SLC28A1: variants seen among roughly 807,000 people sequenced by gnomAD.
SLC28A1 encodes the protein sodium/nucleoside cotransporter 1.
SLC28A1 carries 64 observed loss-of-function variants against 74.8 expected under a neutral mutation model. The observed-to-expected ratio is 0.86, with a 90% CI of 0.70 to 1.05. SLC28A1 has a LOEUF of 1.05. Among genes scored for constraint, SLC28A1 ranks in the 50% least tolerant of loss-of-function variants. The pLI is 0.00. For missense variants in SLC28A1, 828 were observed against 822.8 expected (o/e 1.01, Z -0.08); for synonymous variants, 359 against 335.0 (o/e 1.07, Z -0.78).
chr15:84,900,197 C>T (rs1020140193), intron 6 of SLC28A1, among the ~76,000 whole-genome samples: 2 of 151,376 alleles, frequency 1.3e-5, no homozygotes, highest in African/African-American at 2.4e-5. Flanking sequence ...TGGTGGCATG[C>T]GCCTGTAGTA....
At chr15:84,924,831 CAAAT>C (rs1970287177) in intron 12 of SLC28A1, among the ~76,000 whole-genome samples, 1 of 151,960 alleles carries the variant, frequency 6.6e-6, no homozygotes, top group Non-Finnish European at 1.5e-5. Flanking sequence ...ATTGCAGAAA[CAAAT>C]AAGTTTTTAA....
chr15:84,916,240 C>CAGGTGTGAGCCACCATGCCTGGCTTTTTT (rs1555449976), intron 9 of SLC28A1, among the ~76,000 whole-genome samples: 6 of 98,424 alleles, frequency 6.1e-5, no homozygotes, highest in African/African-American at 2.5e-4. Flanking sequence ...GCTGGGATTA[C>CAGGTGTGAGCCACCATGCCTGGCTTTTTT]TTTTTTTTTT....
At chr15:84,939,658 G>A (rs1281576856) in intron 15 of SLC28A1, 1 of 151,880 alleles carries the variant, frequency 6.6e-6, no homozygotes, top group Non-Finnish European at 1.5e-5. Context: ...TCATCCTCAG[G>A]TAGGGGCCAT....
In SLC28A1 at chr15:84,918,587, C is replaced by T; in HGVS notation, c.859C>T (p.Gln287Ter). Residue 287 changes from glutamine to a stop codon, truncating the protein, a stop_gained, in exon 10 of 19, where the codon CAG becomes TAG. Transcript: ENST00000394573. LOFTEE classifies it high-confidence loss of function. The part of the protein sequence containing the change: ...ISVLYHVGLM[Q>*]WVILKIAWLM... ...CGTTCTCTACCACGTGGGCCTCATG[C>T]AGTGGGTGATCCTGAAGGTAAGTTC... is the stretch of plus-strand genomic sequence containing the variant. The T allele has an allele frequency of 6.2e-7, 1 of 1,613,208 alleles. No homozygotes were observed. The highest frequency in any genetic ancestry group is 1.7e-5 in the Admixed American group (1 of 60,016).
the SLC28A1 span, among the ~76,000 whole-genome samples, chr15:84,966,779 A>AGACCTGCCCCATGATTCAATT: frequency 6.6e-6 from 1 of 152,138 alleles, no homozygotes; most frequent in Non-Finnish European, 1.5e-5. Flanking sequence ...AGCACAGGAA[A>AGACCTGCCCCATGATTCAATT]GACCTGCCCC....
At position 84,921,068 on chromosome 15, in the gene SLC28A1, A is replaced by G. The variant is rs545838581; in HGVS notation, c.956A>G (p.Gln319Arg). 4 of 1,613,114 alleles carry G rather than the reference A, an allele frequency of 2.5e-6. No individual in the cohort carries two copies. In the South Asian group the frequency reaches 4.4e-5, roughly 18 times the overall value. ...GTGGCTGGAAACATCTTTGTGAGCC[A>G]GGTGGGTATGGAAGCCTCCTACCCT... is the stretch of plus-strand genomic sequence containing the variant. ...LSVAGNIFVS[Q>R]TEAPLLIRPY... Residue 319 changes from glutamine (Q) to arginine (R), a missense_variant and splice_region_variant, in exon 11 of 19, where the codon CAG (glutamine) becomes CGG (arginine). Around this residue, in one of 3 missense-constraint regions of SLC28A1, gnomAD observed 767 missense variants for 753.5 expected, o/e 1.02. Coordinates refer to ENST00000394573, the MANE Select transcript of SLC28A1 (RefSeq NM_004213.5).
the SLC28A1 span, among the ~76,000 whole-genome samples, chr15:84,969,345 C>T: frequency 0.032 from 4,900 of 152,282 alleles, 269 homozygotes; most frequent in African/African-American, 0.11. Context: ...AGTCCTCCAT[C>T]GCCTTCATGT....
At chr15:84,930,660 C>T (rs1342708983) in intron 12 of SLC28A1, among the ~76,000 whole-genome samples, 2 of 144,414 alleles carry the variant, frequency 1.4e-5, no homozygotes, top group South Asian at 2.2e-4. Flanking sequence ...CTCTGTCGCC[C>T]GGGCTGGAGT....
chr15:84,922,571 T>C (rs1969966355), intron 11 of SLC28A1, among the ~76,000 whole-genome samples: 1 of 152,184 alleles, frequency 6.6e-6, no homozygotes. Flanking sequence ...CGTCTCCTCC[T>C]ACCTCTTCTT....
At chr15:84,926,507 T>C in intron 12 of SLC28A1, 1 of 454,280 alleles carries the variant, frequency 2.2e-6, no homozygotes, top group South Asian at 1.6e-5. Flanking sequence ...CCAGCTTCAA[T>C]CACTTTAAAA....
intron 10 of SLC28A1, 148 bp downstream of exon 10, chr15:84,918,752 C>T (rs1969445857): frequency 2.7e-6 from 2 of 733,858 alleles, no homozygotes; most frequent in Non-Finnish European, 5.0e-6. Flanking sequence ...CCCCTGTTCC[C>T]AGTGCCTCCA....
chr15:84,885,933 A>G (rs1596175556), intron 1 of SLC28A1, among the ~76,000 whole-genome samples: 1 of 152,204 alleles, frequency 6.6e-6, no homozygotes, highest in East Asian at 1.9e-4. Context: ...GTGTCCATCC[A>G]CCATCCTCTC....
At chr15:84,918,216 T>C (rs1316861689) in intron 9 of SLC28A1, among the ~76,000 whole-genome samples, 4 of 152,022 alleles carry the variant, frequency 2.6e-5, no homozygotes, top group Admixed American at 6.6e-5. Flanking sequence ...AAGCAGGAGA[T>C]AAAAGTGGTA....
intron 9 of SLC28A1, among the ~76,000 whole-genome samples, chr15:84,912,817 C>CAT: frequency 7.8e-6 from 1 of 128,356 alleles, no homozygotes; most frequent in East Asian, 2.0e-4. Flanking sequence ...CACACACACA[C>CAT]ACACACACAC....
downstream of SLC28A1, among the ~76,000 whole-genome samples, chr15:84,950,516 TG>T (rs1199923072): frequency 6.6e-6 from 1 of 152,062 alleles, no homozygotes; most frequent in African/African-American, 2.4e-5. Flanking sequence ...AAGATCAGCC[TG>T]TGCAACATAG....
the SLC28A1 span, among the ~76,000 whole-genome samples, chr15:84,971,731 C>T: frequency 6.6e-6 from 1 of 151,352 alleles, no homozygotes; most frequent in South Asian, 2.1e-4. Context: ...CTCACTGCAA[C>T]CTCCACCTCC....
At chr15:84,890,373 G>A in intron 4 of SLC28A1, 70 bp from the exon 5 acceptor site, 1 of 1,099,402 alleles carries the variant, frequency 9.1e-7, no homozygotes, top group Non-Finnish European at 1.3e-6. Context: ...TACCTGAGTG[G>A]AGGTGCTGAG....
intron 15 of SLC28A1, among the ~76,000 whole-genome samples, chr15:84,939,381 G>A (rs1972374143): frequency 6.6e-6 from 1 of 151,506 alleles, no homozygotes; most frequent in African/African-American, 2.4e-5. Context: ...AGGGAGGGAG[G>A]GAAAAAGACA....
intron 13 of SLC28A1, among the ~76,000 whole-genome samples, chr15:84,933,702 C>T (rs749844732): frequency 6.6e-6 from 1 of 152,102 alleles, no homozygotes; most frequent in Admixed American, 6.6e-5. Context: ...AGTCCAGGTG[C>T]GATGGTTCAT....
Sources: gnomAD v4.1 joint callset for allele counts (sites outside exome capture counted in the v4.1 genomes callset) on GRCh38, gnomAD v4.1.1 for gene constraint, gnomAD v4.1.1 regional missense constraint, MANE v1.5 for transcripts, NCBI Gene and HGNC (gene_info 2026-07-23, HGNC 2026-07-21) for gene names.